Variants in CRHR1 observed in about 807,000 individuals in gnomAD.
CRHR1 encodes the protein corticotropin releasing hormone receptor 1, also known as corticotropin-releasing hormone receptor 1.
CRHR1 carries 28 observed loss-of-function variants against 56.0 expected under a neutral mutation model. The observed-to-expected ratio is 0.50, with a 90% CI of 0.37 to 0.69. The LOEUF is 0.69. Ranked by LOEUF, CRHR1 falls within the 30% of genes least tolerant of loss-of-function variation. The probability of loss-of-function intolerance (pLI) is 0.00; values close to 1 mark genes in which losing one functional copy is unlikely to be tolerated. For synonymous variants in CRHR1, 195 were observed against 216.5 expected (o/e 0.90, Z 0.87); for missense variants, 376 against 548.0 (o/e 0.69, Z 3.13).
intron 7 of CRHR1, 127 bp from the exon 8 acceptor site, chr17:45,830,753 G>T (rs1473294919): frequency 7.4e-5 from 88 of 1,186,966 alleles, no homozygotes; most frequent in Non-Finnish European, 8.2e-5. Flanking sequence ...CTTGAAGGAG[G>T]TGTGTGAGTT....
intron 2 of CRHR1, among the ~76,000 whole-genome samples, chr17:45,813,206 G>C (rs1330889526): frequency 6.6e-6 from 1 of 152,176 alleles, no homozygotes; most frequent in Non-Finnish European, 1.5e-5. Flanking sequence ...TGGCGCCTGA[G>C]GCCCTGTCCT....
chr17:45,829,565 G>T lies in CRHR1; in HGVS notation c.434+244G>T, dbSNP rs796582015. On this transcript the variant is annotated intron_variant, in intron 5 of 12. Transcript: ENST00000314537. ...TCTTATGTCACCCATACCCAGGCCAGGCTGCACCCATTGGGGTGACCAGGC... is the reference window on the plus strand; with the variant it reads ...TCTTATGTCACCCATACCCAGGCCATGCTGCACCCATTGGGGTGACCAGGC... 2.5e-5 allele frequency: 38 copies of T among 1,550,244 alleles called. No homozygotes were observed. The Admixed American group carries it at 6.9e-4, about 28-fold the overall frequency.
chr17:45,830,376 CT>C (rs1568069986), intron 6 of CRHR1, 40 bp from the exon 7 acceptor site: 1 of 1,588,576 alleles, frequency 6.3e-7, no homozygotes, highest in Admixed American at 1.7e-5. Flanking sequence ...GGTGCCTCCC[CT>C]GCCCCCCATC....
intron 1 of CRHR1, among the ~76,000 whole-genome samples, chr17:45,791,772 G>A (rs2061428988): frequency 6.6e-6 from 1 of 151,588 alleles, no homozygotes; most frequent in Admixed American, 6.6e-5. Context: ...AGAAGGGACA[G>A]GATCTGTTGC....
chr17:45,788,345 G>A (rs922199149), intron 1 of CRHR1, among the ~76,000 whole-genome samples: 1 of 152,156 alleles, frequency 6.6e-6, no homozygotes, highest in African/African-American at 2.4e-5. Flanking sequence ...AGGGGTATTG[G>A]ACTGGATTCT....
At chr17:45,833,693 T>TG in intron 10 of CRHR1, 21 bp from the exon 11 acceptor site, 3 of 1,571,604 alleles carry the variant, frequency 1.9e-6, no homozygotes, top group Non-Finnish European at 2.6e-6. Context: ...ACTCCGAGCC[T>TG]CCCCACCCGC....
At chr17:45,832,385 C>G (rs1220872956) in intron 8 of CRHR1, among the ~76,000 whole-genome samples, 1 of 152,196 alleles carries the variant, frequency 6.6e-6, no homozygotes, top group Admixed American at 6.5e-5. Context: ...ACCAGAGGCC[C>G]GAGGACTGGA....
chr17:45,793,501 G>T (rs1239048100), intron 1 of CRHR1, among the ~76,000 whole-genome samples: 2 of 152,216 alleles, frequency 1.3e-5, no homozygotes, highest in African/African-American at 4.8e-5. Context: ...CATGAGGCAG[G>T]AGTAGCCAGG....
In CRHR1 at chr17:45,821,415, A is replaced by G; in HGVS notation, c.302A>G (p.Glu101Gly). Residue 101 changes from glutamate to glycine, a missense_variant, in exon 4 of 13, where the codon GAG (glutamate) becomes GGG (glycine). By Grantham distance (98) the Glu-to-Gly change is moderately conservative (BLOSUM62 -2). This residue lies in a region of CRHR1 where 369 missense variants were observed against 519.5 expected (regional missense o/e 0.71). Transcript: ENST00000314537. ...GSWAARVNYS[E>G]CQEILNEEKK... is the part of the protein sequence containing the mutation. ...TGGGCCGCCCGCGTGAATTACTCCG[A>G]GTGCCAGGAGATCCTCAATGAGGAG... The G allele has an allele frequency of 6.2e-7, 1 of 1,613,160 alleles. No individual in the cohort carries two copies.
chr17:45,835,140 G>A lies in CRHR1; in HGVS notation c.*376G>A, dbSNP rs1207119689. On this transcript the variant is annotated 3_prime_UTR_variant, in exon 13 of 13. Transcript: ENST00000314537. ...CCCACTGGGCCCTGGGGCTGCCCTC[G>A]GCAACCGTGGGGAGGCCATTTGCTG... 14 of 233,504 alleles carry A rather than the reference G, an allele frequency of 6.0e-5. No individual in the cohort carries two copies. Among genetic ancestry groups the A allele is most frequent in the African/African-American group, 1.1e-4 (5 of 44,770 alleles). The allele number at this position is 233,504 out of a possible 1,614,324, so 14.5% of individuals were successfully genotyped here. A position where few individuals can be genotyped will look rare whatever the true frequency, so the allele number is the denominator to read the frequency against.
Position 45,830,896 on chromosome 17 carries a change from C to G in CRHR1, c.726C>G (p.Ile242Met). 1 of 1,613,944 alleles carries G rather than the reference C, an allele frequency of 6.2e-7. No individual in the cohort carries two copies. The highest frequency in any genetic ancestry group is 1.1e-5 in the South Asian group (1 of 91,074). ...CTCCCCCAGGTGTGCCCTTCCCCAT[C>G]ATTGTGGCCTGGGCCATTGGGAAGC... ...ICIGWGVPFPIIVAWAIGKLY... is the reference protein window; with the variant it reads ...ICIGWGVPFPMIVAWAIGKLY... The change falls in exon 8 of 13, where the codon ATC (isoleucine) becomes ATG (methionine). Residue 242 changes from isoleucine (I) to methionine (M), a missense_variant. By Grantham distance (10) the Ile-to-Met change is conservative. Coordinates refer to ENST00000314537, the MANE Select transcript of CRHR1 (RefSeq NM_004382.5).
intron 3 of CRHR1, among the ~76,000 whole-genome samples, chr17:45,818,218 T>C (rs1045224401): frequency 6.6e-5 from 10 of 152,180 alleles, no homozygotes; most frequent in African/African-American, 1.7e-4. Flanking sequence ...TGGAACCCAC[T>C]CTTGTGTGGC....
intron 1 of CRHR1, among the ~76,000 whole-genome samples, chr17:45,796,190 G>A (rs940431774): frequency 3.9e-5 from 6 of 152,168 alleles, no homozygotes; most frequent in Non-Finnish European, 7.4e-5. Flanking sequence ...GTGTCTCTGC[G>A]GCTGTCCCCA....
rs12936511 is a variant in CRHR1, at chr17:45,807,036, C to T, written c.60C>T (p.Pro20=). The T allele has an allele frequency of 0.038, 61,434 of 1,613,946 alleles. 1,257 individuals carry two copies. Among genetic ancestry groups the T allele is most frequent in the Non-Finnish European group, 0.044 (51,490 of 1,179,926 alleles). ...CCCTTCTCCTTCTGGGGCTGAACCC[C>T]GTCTCTGCCTCCCTCCAGGACCAGC... is the stretch of plus-strand genomic sequence containing the variant. ...VKALLLLGLN[P]VSASLQDQHC... The change falls in exon 2 of 13, where the codon CCC becomes CCT. Residue 20 remains proline (P), a synonymous_variant. Transcript: ENST00000314537.
Position 45,784,857 on chromosome 17 carries a change from A to C in CRHR1, c.33+280A>C, listed in dbSNP as rs1015912127. Reference sequence around the variant, plus strand: ...CCCGGGTAGCCGGCTCCGCGCCAAGAATCGCTCTAGGCTCTCGGGCAGACG... The same window carrying C: ...CCCGGGTAGCCGGCTCCGCGCCAAGCATCGCTCTAGGCTCTCGGGCAGACG... On this transcript the variant is annotated intron_variant, in intron 1 of 12. Transcript: ENST00000314537. The surrounding 1 kb of genome is among the most constrained non-coding windows in gnomAD (Gnocchi z 4.2). Among the ~76,000 whole-genome samples, 6 of 152,074 alleles carry C rather than the reference A, an allele frequency of 3.9e-5. No individual in the cohort carries two copies. In the South Asian group the frequency reaches 1.2e-3, roughly 32 times the overall value.
chr17:45,833,501 T>G lies in CRHR1; in HGVS notation c.893T>G (p.Leu298Arg). The change falls in exon 10 of 13, where the codon CTC becomes CGC. Residue 298 changes from leucine to arginine, a missense_variant. By Grantham distance (102) the Leu-to-Arg change is moderately radical. Around this residue, in one of 2 missense-constraint regions of CRHR1, gnomAD observed 369 missense variants for 519.5 expected, o/e 0.71. Coordinates refer to ENST00000314537, the MANE Select transcript of CRHR1 (RefSeq NM_004382.5). ...ATCGTCCGCATCCTCATGACCAAGCTCCGGGCATCCACCACGTCTGAGACC... is the reference window on the plus strand; with the variant it reads ...ATCGTCCGCATCCTCATGACCAAGCGCCGGGCATCCACCACGTCTGAGACC... ...FNIVRILMTKLRASTTSETIQ... is the reference protein window; with the variant it reads ...FNIVRILMTKRRASTTSETIQ... 6.2e-7 allele frequency: 1 copy of G among 1,613,994 alleles called. No homozygotes were observed. Among genetic ancestry groups the G allele is most frequent in the Non-Finnish European group, 8.5e-7 (1 of 1,180,000 alleles).
chr17:45,830,983 C>T (rs772106835), intron 8 of CRHR1, 43 bp downstream of exon 8: 3 of 1,594,770 alleles, frequency 1.9e-6, no homozygotes, highest in African/African-American at 1.3e-5. Flanking sequence ...GGTTTAGGCT[C>T]CCAGCCCAGC....
At position 45,834,611 on chromosome 17, in the gene CRHR1, C is replaced by T; in HGVS notation, c.1108-13C>T. On this transcript the variant is annotated splice_polypyrimidine_tract_variant and intron_variant, in intron 12 of 12. Coordinates refer to ENST00000314537, the MANE Select transcript of CRHR1 (RefSeq NM_004382.5). ...CACAGGCTCAGATGTCGTGCTCCTC[C>T]CTGTGCCCACAGGTCCGTTCTGCCA... The T allele has an allele frequency of 6.2e-7, 1 of 1,604,190 alleles. No individual in the cohort carries two copies. The highest frequency in any genetic ancestry group is 1.7e-4 in the Middle Eastern group (1 of 5,990).
chr17:45,795,524 T>G (rs891811848), intron 1 of CRHR1, among the ~76,000 whole-genome samples: 9 of 152,188 alleles, frequency 5.9e-5, no homozygotes, highest in Non-Finnish European at 1.3e-4. Flanking sequence ...ACCTCCCCCT[T>G]CCTGATTATA....
Sources: allele counts gnomAD v4.1 joint callset (sites outside exome capture counted in the v4.1 genomes callset), GRCh38; gene constraint gnomAD v4.1.1; regional missense constraint gnomAD v4.1.1; non-coding constraint Gnocchi (gnomAD v3.1); transcripts MANE v1.5; gene names NCBI Gene and HGNC (gene_info 2026-07-23, HGNC 2026-07-21).